The following CXXC5 variants were observed in gnomAD, a reference collection of about 807,000 sequenced individuals.
The protein encoded by CXXC5 is CXXC finger protein 5, also known as CXXC-type zinc finger protein 5.
In CXXC5, 2 loss-of-function variants were observed where a neutral mutation model predicts 17.6. The ratio of observed to expected loss-of-function variants is 0.11; its 90% confidence interval spans 0.05 to 0.36. The LOEUF (loss-of-function observed/expected upper bound fraction) is 0.36, where lower values mean the gene tolerates loss of function less well. CXXC5 is among the 10% of genes least tolerant of loss of function. The pLI, the probability that CXXC5 is intolerant of heterozygous loss-of-function variation, is 1.00. For synonymous variants in CXXC5, 171 were observed against 193.0 expected, an observed-to-expected ratio of 0.89 and a Z score of 0.94; for missense variants, 343 against 458.3, an observed-to-expected ratio of 0.75 and a Z score of 2.30.
At position 139,659,312 on chromosome 5, in the gene CXXC5, G is replaced by A. The variant is rs371564909; in HGVS notation, c.-161+10467G>A. 2.7e-4 allele frequency among the ~76,000 whole-genome samples: 41 copies of A among 152,282 alleles called. No homozygotes were observed. In the East Asian group the frequency reaches 4.8e-3, roughly 18 times the overall value. ...GCGCGGTGTCCAGCGGAAAATCCCA[G>A]CTGTTGTCAGGAAGTGTTTCCTCCA... On this transcript the variant is annotated intron_variant, in intron 1 of 2. Transcript: ENST00000302517.
At position 139,682,724 on chromosome 5, in the gene CXXC5, A is replaced by G. The variant is rs891836847; in HGVS notation, c.925-139A>G. On this transcript the variant is annotated intron_variant, in intron 2 of 2. Transcript: ENST00000302517. ...CCTCCTTTGGCCTGGCTGGGGTGGC[A>G]GGAGCTCCGAGGGGTGGCTGCTCTT... 6 of 832,214 alleles carry G rather than the reference A, an allele frequency of 7.2e-6. No homozygotes were observed. In the South Asian group the frequency reaches 1.5e-4, roughly 21 times the overall value. 51.6% of individuals were successfully genotyped at this position (832,214 alleles called of 1,614,324 possible). A position where few individuals can be genotyped will look rare whatever the true frequency, so the allele number is the denominator to read the frequency against.
intron 1 of CXXC5, among the ~76,000 whole-genome samples, chr5:139,656,635 C>G (rs1209020638): frequency 6.6e-6 from 1 of 152,220 alleles, no homozygotes; most frequent in Admixed American, 6.5e-5. Flanking sequence ...TTCTTGTACC[C>G]CCAGTGCCTG....
rs865881116 is a variant in CXXC5, at chr5:139,661,163, C to T, written c.-161+12318C>T. Reference sequence around the variant, plus strand: ...TTATTTATCAAGCCAGCCTCCCCGCCGCGGCTGCCCGCGCCGCCCCCCCAC... The same window carrying T: ...TTATTTATCAAGCCAGCCTCCCCGCTGCGGCTGCCCGCGCCGCCCCCCCAC... On this transcript the variant is annotated intron_variant, in intron 1 of 2. Transcript: ENST00000302517. The surrounding 1 kb of genome is among the most constrained non-coding windows in gnomAD (Gnocchi z 4.7). 6.6e-6 allele frequency among the ~76,000 whole-genome samples: 1 copy of T among 152,182 alleles called. No homozygotes were observed. The highest frequency in any genetic ancestry group is 2.4e-5 in the African/African-American group (1 of 41,440).
At chr5:139,681,508 C>A in intron 2 of CXXC5, 61 bp downstream of exon 2, 1 of 1,505,666 alleles carries the variant, frequency 6.6e-7, no homozygotes, top group Non-Finnish European at 8.9e-7. Context: ...TCCAAACCCA[C>A]CCCCATCCCC....
In CXXC5 at chr5:139,658,874, T is replaced by C. The variant is rs989271503; in HGVS notation, c.-161+10029T>C. Among the ~76,000 whole-genome samples, 7 of 152,114 alleles carry C rather than the reference T, an allele frequency of 4.6e-5. No homozygotes were observed. The highest frequency in any genetic ancestry group is 1.7e-4 in the African/African-American group (7 of 41,402). ...TGTTGAACTGTAGGAGAGTTAGGAG[T>C]GTCATCTAGAGCAGCCTAGCTGGGC... On this transcript the variant is annotated intron_variant, in intron 1 of 2. Coordinates refer to ENST00000302517, the MANE Select transcript of CXXC5 (RefSeq NM_016463.9). The surrounding 1 kb of genome is among the most constrained non-coding windows in gnomAD (Gnocchi z 4.1).
chr5:139,667,694 G>C (rs1240177360), intron 1 of CXXC5, among the ~76,000 whole-genome samples: 1 of 152,138 alleles, frequency 6.6e-6, no homozygotes, highest in Non-Finnish European at 1.5e-5. Context: ...GAGCTTGGGG[G>C]TTTGGGGGTT....
chr5:139,647,821 C>G (rs1249115600), upstream of CXXC5: 1 of 152,124 alleles, frequency 6.6e-6, no homozygotes, highest in Non-Finnish European at 1.5e-5. Context: ...CCCACTGAAT[C>G]CATTAAGGAG....
rs1755613963 is a variant in CXXC5, at chr5:139,658,597, C to G, written c.-161+9752C>G. Among the ~76,000 whole-genome samples, 1 of 152,260 alleles carries G rather than the reference C, an allele frequency of 6.6e-6. No homozygotes were observed. The highest frequency in any genetic ancestry group is 1.5e-5 in the Non-Finnish European group (1 of 67,992). ...CTGGCCCACAGGCACAGGAGGGGTC[C>G]TCTTGGCGGTGCCCGCCCGCCCGCT... On this transcript the variant is annotated intron_variant, in intron 1 of 2. Coordinates refer to ENST00000302517, the MANE Select transcript of CXXC5 (RefSeq NM_016463.9). This position sits in a 1 kb window ranked among gnomAD's most constrained non-coding sequence, Gnocchi z 4.1.
intron 1 of CXXC5, among the ~76,000 whole-genome samples, chr5:139,656,873 C>T (rs1055670383): frequency 5.9e-5 from 9 of 152,014 alleles, no homozygotes; most frequent in East Asian, 1.9e-4. Context: ...TACAGGTGTG[C>T]GCCACCATGC....
intron 1 of CXXC5, among the ~76,000 whole-genome samples, chr5:139,651,956 T>C (rs112032478): frequency 1.3e-5 from 2 of 152,222 alleles, no homozygotes; most frequent in African/African-American, 2.4e-5. Context: ...ATTGAGCACC[T>C]ACTGTGTATC....
chr5:139,672,401 AGCCTGTACAGGCCAGG>A (rs1756531495), intron 1 of CXXC5, among the ~76,000 whole-genome samples: 1 of 152,238 alleles, frequency 6.6e-6, no homozygotes, highest in South Asian at 2.1e-4. Flanking sequence ...TACAGGCGTG[AGCCTGTACAGGCCAGG>A]GCCTGCTGTT....
chr5:139,653,399 TATGCAGGTGA>T (rs1272611371), intron 1 of CXXC5, among the ~76,000 whole-genome samples: 1 of 152,160 alleles, frequency 6.6e-6, no homozygotes, highest in Non-Finnish European at 1.5e-5. Context: ...AGCCTGCCCC[TATGCAGGTGA>T]ATGTGGATAT....
At chr5:139,677,231 C>T (rs963432391) in intron 1 of CXXC5, among the ~76,000 whole-genome samples, 1 of 152,078 alleles carries the variant, frequency 6.6e-6, no homozygotes, top group East Asian at 1.9e-4. Flanking sequence ...CCCGCCTGCC[C>T]GCCAGCTTTC....
At chr5:139,652,442 C>A (rs542369330) in intron 1 of CXXC5, among the ~76,000 whole-genome samples, 12 of 152,232 alleles carry the variant, frequency 7.9e-5, no homozygotes, top group Non-Finnish European at 1.3e-4. Context: ...ACCCAGGAAT[C>A]TCCAACCCTC....
chr5:139,655,594 C>T (rs1009490664), intron 1 of CXXC5, among the ~76,000 whole-genome samples: 25 of 152,020 alleles, frequency 1.6e-4, no homozygotes, highest in Admixed American at 6.5e-4. Context: ...TTCATCTCTT[C>T]GGGATTCTCT....
intron 1 of CXXC5, among the ~76,000 whole-genome samples, chr5:139,656,781 A>G (rs112677710): frequency 4.6e-5 from 7 of 152,018 alleles, no homozygotes; most frequent in African/African-American, 1.4e-4. Flanking sequence ...CTGGAGTGCA[A>G]TGGCGCCATC....
intron 1 of CXXC5, among the ~76,000 whole-genome samples, chr5:139,655,031 C>G (rs1202045319): frequency 6.6e-6 from 1 of 152,164 alleles, no homozygotes; most frequent in South Asian, 2.1e-4. Flanking sequence ...GTCTCCCGCT[C>G]CTTCCCCAGG....
At chr5:139,652,149 C>T (rs1432666018) in intron 1 of CXXC5, among the ~76,000 whole-genome samples, 1 of 27,792 alleles carries the variant, frequency 3.6e-5, no homozygotes, top group Non-Finnish European at 9.0e-5. Flanking sequence ...TAGCCGCCGG[C>T]GCGCGCGCGC....
intron 1 of CXXC5, among the ~76,000 whole-genome samples, chr5:139,672,107 ATTTG>A (rs994139793): frequency 2.8e-4 from 43 of 151,668 alleles, no homozygotes; most frequent in Non-Finnish European, 4.4e-4. Flanking sequence ...TTTTTTATTT[ATTTG>A]TTTGTTTGTT....
Sources: gnomAD v4.1 joint callset for allele counts (sites outside exome capture counted in the v4.1 genomes callset) on GRCh38, gnomAD v4.1.1 for gene constraint, Gnocchi (gnomAD v3.1) non-coding constraint, MANE v1.5 for transcripts, NCBI Gene and HGNC (gene_info 2026-07-23, HGNC 2026-07-21) for gene names.